The following SLC39A9 variants were observed in gnomAD, a reference collection of about 807,000 sequenced individuals.
The protein encoded by SLC39A9 is solute carrier family 39 member 9, also known as zinc transporter ZIP9.
In SLC39A9, 14 loss-of-function variants were observed where a neutral mutation model predicts 28.4. The observed-to-expected ratio is 0.49, with a 90% CI of 0.33 to 0.77. The LOEUF (loss-of-function observed/expected upper bound fraction) is 0.77, where lower values mean the gene tolerates loss of function less well. Ranked by LOEUF, SLC39A9 falls within the 30% of genes least tolerant of loss-of-function variation. SLC39A9 has a pLI of 0.02. For synonymous variants in SLC39A9, 119 were observed against 149.6 expected (o/e 0.80, Z 1.49); for missense variants, 283 against 381.1 (o/e 0.74, Z 2.14).
intron 1 of SLC39A9, among the ~76,000 whole-genome samples, chr14:69,413,050 C>A (rs145579256): frequency 2.0e-4 from 30 of 152,180 alleles, no homozygotes; most frequent in South Asian, 6.2e-4. Context: ...ATAGATCAGT[C>A]ATATATTTAA....
At chr14:69,428,810 ATG>A (rs1477164965) in intron 2 of SLC39A9, 1 of 152,392 alleles carries the variant, frequency 6.6e-6, no homozygotes, top group African/African-American at 2.4e-5. Context: ...GTATTTGGGG[ATG>A]TGCAAGACAT....
Position 69,453,532 on chromosome 14 carries a change from AAGAG to A in SLC39A9, c.472+230_472+233del, listed in dbSNP as rs566604917. ...TACTTTTTAATGGTTTAAAAAAAAA[AAGAG>A]AGAGAGGAACATACTGTAGCACATG... On this transcript the variant is annotated intron_variant, in intron 4 of 6. Coordinates refer to ENST00000336643, the MANE Select transcript of SLC39A9 (RefSeq NM_018375.5). Among the ~76,000 whole-genome samples the A allele has an allele frequency of 4.1e-3, 630 of 152,224 alleles. 4 individuals carry two copies. The highest frequency in any genetic ancestry group is 7.1e-3 in the Non-Finnish European group (483 of 67,998).
chr14:69,442,224 C>G lies in SLC39A9; in HGVS notation c.361C>G (p.Leu121Val). 1 of 1,614,210 alleles carries G rather than the reference C, an allele frequency of 6.2e-7. No homozygotes were observed. Among genetic ancestry groups the G allele is most frequent in the Non-Finnish European group, 8.5e-7 (1 of 1,180,034 alleles). ...SLVLGFVFML[L>V]VDQIGNSHVH... ...CGTTCTGGGCTTCGTTTTCATGTTG[C>G]TGGTGGACCAGATTGGTAACTCCCA... Residue 121 changes from leucine (L) to valine (V), a missense_variant, in exon 3 of 7, where the codon CTG becomes GTG. Leu to Val is a conservative substitution (Grantham distance 32). Transcript: ENST00000336643.
rs1293878841 is a variant in SLC39A9 at position 69,461,835 on chromosome 14, C to A, written c.*3242C>A. On this transcript the variant is annotated 3_prime_UTR_variant, in exon 7 of 7. Coordinates refer to ENST00000336643, the MANE Select transcript of SLC39A9 (RefSeq NM_018375.5). ...GTTCCTGCCTTGTGGGCCCCTGAGC[C>A]CCTTGGGAGACTGAGAATCATGACC... 2.2e-5 allele frequency: 28 copies of A among 1,255,726 alleles called. No individual in the cohort carries two copies. Among genetic ancestry groups the A allele is most frequent in the Non-Finnish European group, 3.0e-5 (28 of 919,400 alleles). The allele number at this position is 1,255,726 out of a possible 1,614,324, so 77.8% of individuals were successfully genotyped here. A position where few individuals can be genotyped will look rare whatever the true frequency, so the allele number is the denominator to read the frequency against.
intron 1 of SLC39A9, among the ~76,000 whole-genome samples, chr14:69,423,679 C>T (rs1471403218): frequency 6.6e-6 from 1 of 152,144 alleles, no homozygotes; most frequent in Non-Finnish European, 1.5e-5. Context: ...GGGCGGATCA[C>T]CTGAGGTCAG....
At chr14:69,405,151 G>T (rs1244812222) in intron 1 of SLC39A9, among the ~76,000 whole-genome samples, 1 of 152,090 alleles carries the variant, frequency 6.6e-6, no homozygotes, top group Non-Finnish European at 1.5e-5. Context: ...CAGGTCCCTC[G>T]CATGGGAACT....
chr14:69,440,140 A>G (rs945171181), intron 2 of SLC39A9, among the ~76,000 whole-genome samples: 2 of 152,056 alleles, frequency 1.3e-5, no homozygotes, highest in African/African-American at 4.8e-5. Flanking sequence ...AGATCTTGCA[A>G]GAACTCACCA....
chr14:69,418,059 A>C (rs1883672003), intron 1 of SLC39A9, among the ~76,000 whole-genome samples: 1 of 152,114 alleles, frequency 6.6e-6, no homozygotes, highest in South Asian at 2.1e-4. Context: ...TTTCAAAGGG[A>C]ATGCTTCCAG....
chr14:69,400,884 T>TG (rs1425537467), intron 1 of SLC39A9, among the ~76,000 whole-genome samples: 1 of 150,980 alleles, frequency 6.6e-6, no homozygotes, highest in Non-Finnish European at 1.5e-5. Flanking sequence ...CTGGGTGCGG[T>TG]GGGGCGCGCC....
intron 3 of SLC39A9, among the ~76,000 whole-genome samples, chr14:69,450,880 A>G: frequency 6.6e-6 from 1 of 152,204 alleles, no homozygotes; most frequent in East Asian, 1.9e-4. Flanking sequence ...TTATCTCTGA[A>G]GTCATTATTT....
At chr14:69,415,009 A>G (rs572280609) in intron 1 of SLC39A9, among the ~76,000 whole-genome samples, 22 of 152,300 alleles carry the variant, frequency 1.4e-4, no homozygotes, top group African/African-American at 5.1e-4. Context: ...TTTTATTACC[A>G]AGTGGTATTC....
intron 1 of SLC39A9, among the ~76,000 whole-genome samples, chr14:69,412,169 C>T (rs1363143396): frequency 1.3e-5 from 2 of 151,526 alleles, no homozygotes; most frequent in African/African-American, 4.8e-5. Context: ...GCGGGTGGAT[C>T]ACGAGGTCAG....
At chr14:69,420,552 T>C (rs911510518) in intron 1 of SLC39A9, among the ~76,000 whole-genome samples, 3 of 152,240 alleles carry the variant, frequency 2.0e-5, no homozygotes, top group Admixed American at 6.5e-5. Flanking sequence ...CCTGCCTTGC[T>C]ATGTTGGGGA....
intron 2 of SLC39A9, among the ~76,000 whole-genome samples, chr14:69,437,641 G>C (rs1206617298): frequency 6.6e-6 from 1 of 151,248 alleles, no homozygotes; most frequent in Non-Finnish European, 1.5e-5. Flanking sequence ...CCAGGCTGGA[G>C]TGCAGTGGCA....
intron 1 of SLC39A9, among the ~76,000 whole-genome samples, chr14:69,406,212 G>A (rs1012844916): frequency 3.9e-5 from 6 of 152,190 alleles, no homozygotes; most frequent in Non-Finnish European, 8.8e-5. Context: ...AACTCCAGAG[G>A]TAAACAGTCT....
At chr14:69,448,392 A>G (rs1885446394) in intron 3 of SLC39A9, among the ~76,000 whole-genome samples, 1 of 152,184 alleles carries the variant, frequency 6.6e-6, no homozygotes, top group African/African-American at 2.4e-5. Context: ...GGCAATGTCC[A>G]GGATATAATT....
chr14:69,417,533 GA>G (rs1221509273), intron 1 of SLC39A9, among the ~76,000 whole-genome samples: 2 of 152,186 alleles, frequency 1.3e-5, no homozygotes, highest in East Asian at 3.8e-4. Flanking sequence ...GCTTGATGGG[GA>G]TGGCAGTGAA....
chr14:69,449,383 G>A (rs1223047731), intron 3 of SLC39A9, among the ~76,000 whole-genome samples: 1 of 152,166 alleles, frequency 6.6e-6, no homozygotes, highest in Non-Finnish European at 1.5e-5. Context: ...CAAGCGATTT[G>A]GGAGGCCAAG....
upstream of SLC39A9, chr14:69,398,537 A>G (rs1882436077): frequency 1.9e-6 from 1 of 534,456 alleles, no homozygotes; most frequent in African/African-American, 1.9e-5. Flanking sequence ...ATACGGCTCA[A>G]GTGATCACCG....
Sources: gnomAD v4.1 joint callset for allele counts (sites outside exome capture counted in the v4.1 genomes callset) on GRCh38, gnomAD v4.1.1 for gene constraint, MANE v1.5 for transcripts, NCBI Gene and HGNC (gene_info 2026-07-23, HGNC 2026-07-21) for gene names.